ETNK1: variants seen among roughly 807,000 people sequenced by gnomAD.
ETNK1 encodes the protein putative protein product of Nbla10396.
In ETNK1, 8 loss-of-function variants were observed where a neutral mutation model predicts 45.1. The ratio of observed to expected loss-of-function variants is 0.18; its 90% CI spans 0.10 to 0.32. The LOEUF is 0.32. ETNK1 is among the 10% of genes least tolerant of loss of function. The pLI is 1.00. For missense variants in ETNK1, 302 were observed against 430.6 expected, an observed-to-expected ratio of 0.70 and a Z score of 2.64; for synonymous variants, 152 against 151.9, an observed-to-expected ratio of 1.00 and a Z score of -0.01.
rs1442940273 is a variant in ETNK1, at chr12:22,689,514, T to A, written c.*4560T>A. 1 of 152,060 alleles carries A rather than the reference T, an allele frequency of 6.6e-6. No individual in the cohort carries two copies. Among genetic ancestry groups the A allele is most frequent in the Non-Finnish European group, 1.5e-5 (1 of 67,902 alleles). 9.4% of individuals were successfully genotyped at this position (152,060 alleles called of 1,614,324 possible). On this transcript the variant is annotated 3_prime_UTR_variant, in exon 8 of 8. Coordinates refer to ENST00000266517, the MANE Select transcript of ETNK1 (RefSeq NM_018638.5). The stretch of plus-strand genomic sequence containing the variant: ...TTTGTTGTATTTCAAATGCCATTAA[T>A]CATTTTAGTACAACACCTATGTTTA...
chr12:22,649,253 A>G (rs1322676055), intron 2 of ETNK1, among the ~76,000 whole-genome samples: 1 of 152,062 alleles, frequency 6.6e-6, no homozygotes, highest in Admixed American at 6.6e-5. Context: ...CCTTTCATGG[A>G]TCATGCCTTT....
intron 1 of ETNK1, among the ~76,000 whole-genome samples, chr12:22,637,611 G>T (rs1468836166): frequency 6.6e-6 from 1 of 152,128 alleles, no homozygotes; most frequent in Non-Finnish European, 1.5e-5. Context: ...CCCATTCCTT[G>T]AGGGCTTTAT....
rs1285690137 is a variant in ETNK1 at position 22,689,587 on chromosome 12, G to A, written c.*4633G>A. 1 of 151,892 alleles carries A rather than the reference G, an allele frequency of 6.6e-6. No individual in the cohort carries two copies. Among genetic ancestry groups the A allele is most frequent in the Non-Finnish European group, 1.5e-5 (1 of 67,852 alleles). 9.4% of individuals were successfully genotyped at this position (151,892 alleles called of 1,614,324 possible). Reference sequence around the variant, plus strand: ...ATTGTATTTAAAACTAATTAGTGAAGAGTAAGAAAAAAACTAGCCAACAGA... The same window carrying A: ...ATTGTATTTAAAACTAATTAGTGAAAAGTAAGAAAAAAACTAGCCAACAGA... On this transcript the variant is annotated 3_prime_UTR_variant, in exon 8 of 8. Coordinates refer to ENST00000266517, the MANE Select transcript of ETNK1 (RefSeq NM_018638.5).
chr12:22,659,217 A>T, intron 3 of ETNK1, 63 bp downstream of exon 3: 2 of 1,465,566 alleles, frequency 1.4e-6, no homozygotes, highest in African/African-American at 2.8e-5. Context: ...TAGGGTTTCA[A>T]AGGTAATTGT....
chr12:22,666,440 AACTT>A (rs1387035329), intron 4 of ETNK1, among the ~76,000 whole-genome samples: 1 of 152,174 alleles, frequency 6.6e-6, no homozygotes, highest in Non-Finnish European at 1.5e-5. Flanking sequence ...GCCTATGACT[AACTT>A]CAAATCTAAT....
At chr12:22,680,231 A>G (rs1954202041) in intron 6 of ETNK1, among the ~76,000 whole-genome samples, 1 of 151,736 alleles carries the variant, frequency 6.6e-6, no homozygotes, top group Admixed American at 6.6e-5. Flanking sequence ...TTTACCTTTG[A>G]TTGAGGACTG....
At chr12:22,677,631 C>T (rs1401772970) in intron 6 of ETNK1, among the ~76,000 whole-genome samples, 1 of 152,176 alleles carries the variant, frequency 6.6e-6, no homozygotes, top group South Asian at 2.1e-4. Context: ...ATTTATTCTT[C>T]GTATCTATGA....
chr12:22,662,526 C>T (rs180971811), intron 4 of ETNK1, among the ~76,000 whole-genome samples: 166 of 151,984 alleles, frequency 1.1e-3, no homozygotes, highest in African/African-American at 3.7e-3. Flanking sequence ...CCCTGAGTAG[C>T]TGGGACTACA....
intron 6 of ETNK1, among the ~76,000 whole-genome samples, chr12:22,682,126 G>C (rs1954220234): frequency 6.6e-6 from 1 of 152,004 alleles, no homozygotes; most frequent in Non-Finnish European, 1.5e-5. Flanking sequence ...GAGTTGTATA[G>C]ATCTTCCAAA....
chr12:22,657,618 G>A (rs971278459), intron 2 of ETNK1, among the ~76,000 whole-genome samples: 2 of 151,396 alleles, frequency 1.3e-5, no homozygotes, highest in African/African-American at 4.9e-5. Flanking sequence ...TTTTCTAATA[G>A]CTTCAAACAA....
chr12:22,651,124 A>G (rs1387963021), intron 2 of ETNK1, among the ~76,000 whole-genome samples: 1 of 152,226 alleles, frequency 6.6e-6, no homozygotes, highest in Non-Finnish European at 1.5e-5. Context: ...TGTAATGTAC[A>G]GGGTTTTATA....
chr12:22,687,997 C>T lies in ETNK1; in HGVS notation c.*3043C>T, dbSNP rs1024764458. ...GACTTTTCTTTATTTTTTAGTTAGC[C>T]GTTAGGTTTTGTGAGGTTAGATTCC... is the stretch of plus-strand genomic sequence containing the variant. On this transcript the variant is annotated 3_prime_UTR_variant, in exon 8 of 8. Transcript: ENST00000266517. The T allele has an allele frequency of 1.3e-5, 2 of 151,994 alleles. No homozygotes were observed. Among genetic ancestry groups the T allele is most frequent in the African/African-American group, 2.4e-5 (1 of 41,318 alleles). The allele number at this position is 151,994 out of a possible 1,614,324, so 9.4% of individuals were successfully genotyped here. A position where few individuals can be genotyped will look rare whatever the true frequency, so the allele number is the denominator to read the frequency against.
chr12:22,634,172 A>C (rs1310900772), intron 1 of ETNK1, among the ~76,000 whole-genome samples: 1 of 151,934 alleles, frequency 6.6e-6, no homozygotes, highest in Non-Finnish European at 1.5e-5. Context: ...ATTTGGCCAA[A>C]TGTTTTTTCT....
chr12:22,625,253 G>A lies in ETNK1; in HGVS notation c.-178G>A. The A allele has an allele frequency of 1.2e-6, 2 of 1,611,664 alleles. No homozygotes were observed. Among genetic ancestry groups the A allele is most frequent in the Non-Finnish European group, 1.7e-6 (2 of 1,179,528 alleles). ...TCAGTTCAGCTGCTGTCCAGACCCG[G>A]ATCGGCAACAGTGCCGCCTCCAGAC... On this transcript the variant is annotated 5_prime_UTR_variant, in exon 1 of 8. Transcript: ENST00000266517.
In ETNK1 at chr12:22,679,285, C is replaced by T. The variant is rs1398530854; in HGVS notation, c.946-5198C>T. Reference sequence around the variant, plus strand: ...CCACTGGCGTTTAAGTCCAAGTGTCCAAATGCTGAAGAACTTGGATTCTGA... The same window carrying T: ...CCACTGGCGTTTAAGTCCAAGTGTCTAAATGCTGAAGAACTTGGATTCTGA... On this transcript the variant is annotated intron_variant, in intron 6 of 7. Coordinates refer to ENST00000266517, the MANE Select transcript of ETNK1 (RefSeq NM_018638.5). 2.0e-5 allele frequency among the ~76,000 whole-genome samples: 3 copies of T among 152,192 alleles called. No individual in the cohort carries two copies. The East Asian group carries it at 5.8e-4, about 29-fold the overall frequency.
At chr12:22,634,347 T>C (rs1006946613) in intron 1 of ETNK1, among the ~76,000 whole-genome samples, 1 of 152,166 alleles carries the variant, frequency 6.6e-6, no homozygotes, top group Non-Finnish European at 1.5e-5. Context: ...TGCTAATATT[T>C]TGATTAGGAT....
At chr12:22,661,591 A>G (rs1037796111) in intron 4 of ETNK1, among the ~76,000 whole-genome samples, 3 of 152,222 alleles carry the variant, frequency 2.0e-5, no homozygotes, top group Non-Finnish European at 4.4e-5. Flanking sequence ...CTTTATAAAT[A>G]GAAAAATTTT....
At chr12:22,652,022 TCC>T (rs769551840) in intron 2 of ETNK1, among the ~76,000 whole-genome samples, 7 of 152,080 alleles carry the variant, frequency 4.6e-5, no homozygotes, top group Non-Finnish European at 8.8e-5. Context: ...CTTCTTTCCT[TCC>T]TCCAGCCCCT....
chr12:22,673,217 G>C (rs1464011826), intron 5 of ETNK1, among the ~76,000 whole-genome samples: 1 of 152,204 alleles, frequency 6.6e-6, no homozygotes, highest in Non-Finnish European at 1.5e-5. Context: ...AAAATGCATA[G>C]TTTGGGTTTG....
Sources: gnomAD v4.1 joint callset for allele counts (sites outside exome capture counted in the v4.1 genomes callset) on GRCh38, gnomAD v4.1.1 for gene constraint, MANE v1.5 for transcripts, NCBI Gene and HGNC (gene_info 2026-07-23, HGNC 2026-07-21) for gene names.